Variants in CRB1 observed in about 807,000 individuals in gnomAD.
CRB1 encodes crumbs cell polarity complex component 1, also known as protein crumbs homolog 1.
In CRB1, 83 loss-of-function variants were observed where a neutral mutation model predicts 120.0. The observed-to-expected ratio is 0.69, with a 90% CI of 0.58 to 0.83. The LOEUF is 0.83. Among genes scored for constraint, CRB1 ranks in the 40% least tolerant of loss-of-function variants. CRB1 has a pLI of 0.00. For missense variants in CRB1, 1,699 were observed against 1,687.6 expected (o/e 1.01, Z -0.12); for synonymous variants, 625 against 612.5 (o/e 1.02, Z -0.30).
At chr1:197,252,538 TTATATATATATATATA>T in the CRB1 span, among the ~76,000 whole-genome samples, 30 of 27,818 alleles carry the variant, frequency 1.1e-3, no homozygotes, top group East Asian at 9.7e-3. Flanking sequence ...CCAATAGATT[TTATATATATATATATA>T]TATATATATA....
chr1:197,255,997 A>ATATATATATATATG, the CRB1 span, among the ~76,000 whole-genome samples: 1 of 91,992 alleles, frequency 1.1e-5, no homozygotes, highest in Non-Finnish European at 1.9e-5. Flanking sequence ...ATATATATAT[A>ATATATATATATATG]CACTACAATA....
intron 1 of CRB1, among the ~76,000 whole-genome samples, chr1:197,306,545 C>A (rs1195021509): frequency 6.6e-6 from 1 of 152,116 alleles, no homozygotes; most frequent in East Asian, 1.9e-4. Flanking sequence ...AAAAGCCTGT[C>A]ATATCCATTG....
intron 5 of CRB1, among the ~76,000 whole-genome samples, chr1:197,360,956 T>G (rs1660738090): frequency 6.6e-6 from 1 of 152,180 alleles, no homozygotes; most frequent in African/African-American, 2.4e-5. Context: ...TTGCTAAGAG[T>G]TTTTAATCAT....
At chr1:197,245,647 T>G in the CRB1 span, among the ~76,000 whole-genome samples, 24,617 of 152,134 alleles carry the variant, frequency 0.16, 2,244 homozygotes, top group Middle Eastern at 0.24. Flanking sequence ...TTTTTGCTGT[T>G]ATGAATAATT....
chr1:197,467,637 C>T (rs1258831791), intron 11 of CRB1, among the ~76,000 whole-genome samples: 2 of 152,110 alleles, frequency 1.3e-5, no homozygotes, highest in African/African-American at 4.8e-5. Context: ...ACTGAATATT[C>T]TCTTGCTTTT....
chr1:197,435,083 T>G lies in CRB1; in HGVS notation c.3220T>G (p.Leu1074Val). ...STIATGSLNFLKDNTDIYVGD... is the reference protein window; with the variant it reads ...STIATGSLNFVKDNTDIYVGD... ...AATTGCTACTGGAAGCCTCAACTTT[T>G]TGAAGGATAATACAGATATTTATGT... The change falls in exon 9 of 12, where the codon TTG becomes GTG. Residue 1074 changes from leucine to valine, a missense_variant. By Grantham distance (32) the Leu-to-Val change is conservative (BLOSUM62 1). Transcript: ENST00000367400. 6.2e-7 allele frequency: 1 copy of G among 1,613,904 alleles called. No homozygotes were observed. Among genetic ancestry groups the G allele is most frequent in the Non-Finnish European group, 8.5e-7 (1 of 1,179,882 alleles).
the CRB1 span, among the ~76,000 whole-genome samples, chr1:197,241,078 T>C: frequency 0.35 from 52,885 of 152,050 alleles, 11,579 homozygotes; most frequent in East Asian, 0.76. Context: ...TTGTTTAAGC[T>C]CCTTGTAGAT....
At chr1:197,429,370 C>A in intron 7 of CRB1, 79 bp from the exon 8 acceptor site, 2 of 1,523,830 alleles carry the variant, frequency 1.3e-6, no homozygotes, top group Non-Finnish European at 1.8e-6. Flanking sequence ...TTTAAAAAAA[C>A]AGATATGTGG....
rs2993057 is a variant in CRB1 at position 197,353,814 on chromosome 1, T to C, written c.989-3017T>C. ...AGACTCCGTCTCAAAAATATATAAA[T>C]AAAAAAAAAAAAAAAAAAAAAAACT... On this transcript the variant is annotated intron_variant, in intron 4 of 11. Coordinates refer to ENST00000367400, the MANE Select transcript of CRB1 (RefSeq NM_201253.3). 5.6e-5 allele frequency among the ~76,000 whole-genome samples: 5 copies of C among 89,424 alleles called. No individual in the cohort carries two copies. In the East Asian group the frequency reaches 1.5e-3, roughly 27 times the overall value. 58.7% of individuals were successfully genotyped at this position (89,424 alleles called of 152,430 possible).
At chr1:197,303,690 G>A (rs1049102210) in intron 1 of CRB1, among the ~76,000 whole-genome samples, 1 of 152,026 alleles carries the variant, frequency 6.6e-6, no homozygotes, top group African/African-American at 2.4e-5. Flanking sequence ...CAGATCTTTT[G>A]ACTCATGCTT....
At chr1:197,425,453 T>A (rs945181058) in intron 6 of CRB1, among the ~76,000 whole-genome samples, 3 of 152,210 alleles carry the variant, frequency 2.0e-5, no homozygotes, top group African/African-American at 7.2e-5. Context: ...TTGCCCAAAC[T>A]TCAGCTGGGC....
chr1:197,353,539 G>A (rs556145633), intron 4 of CRB1, among the ~76,000 whole-genome samples: 2 of 152,154 alleles, frequency 1.3e-5, no homozygotes, highest in Non-Finnish European at 1.5e-5. Context: ...GGTGGCTCAC[G>A]CCTGTAATCC....
At chr1:197,372,241 G>A (rs1267242263) in intron 5 of CRB1, among the ~76,000 whole-genome samples, 1 of 152,084 alleles carries the variant, frequency 6.6e-6, no homozygotes, top group African/African-American at 2.4e-5. Flanking sequence ...AGTCCCAGGG[G>A]CACCAATCAT....
chr1:197,297,864 A>G (rs1347799435), intron 1 of CRB1, among the ~76,000 whole-genome samples: 1 of 152,156 alleles, frequency 6.6e-6, no homozygotes, highest in East Asian at 1.9e-4. Flanking sequence ...AAGATAATTC[A>G]AATATCAAGA....
At position 197,434,968 on chromosome 1, in the gene CRB1, C is replaced by T. The variant is rs541965270; in HGVS notation, c.3105C>T (p.His1035=). The change falls in exon 9 of 12, where the codon CAC becomes CAT. Residue 1035 remains histidine, a synonymous_variant. Coordinates refer to ENST00000367400, the MANE Select transcript of CRB1 (RefSeq NM_201253.3). ...AGTCAGTGAATGATGGCACATGGCA[C>T]GAAGTGACCCTTTCCATGACAGACC... The part of the protein sequence containing the change: ...SLQSVNDGTW[H]EVTLSMTDPL... 9.9e-6 allele frequency: 16 copies of T among 1,613,936 alleles called. No individual in the cohort carries two copies. Among genetic ancestry groups the T allele is most frequent in the East Asian group, 8.9e-5 (4 of 44,882 alleles).
chr1:197,427,388 CT>C, intron 6 of CRB1, 65 bp from the exon 7 acceptor site: 1 of 1,473,746 alleles, frequency 6.8e-7, no homozygotes, highest in Non-Finnish European at 9.5e-7. Flanking sequence ...TCTTCCATCC[CT>C]TCTGTCTTTT....
At chr1:197,259,580 G>T in the CRB1 span, among the ~76,000 whole-genome samples, 1 of 152,106 alleles carries the variant, frequency 6.6e-6, no homozygotes, top group Non-Finnish European at 1.5e-5. Context: ...TAATACATGT[G>T]GGGCTTGAAA....
At chr1:197,293,959 C>A (rs924929848) in intron 1 of CRB1, among the ~76,000 whole-genome samples, 3 of 152,016 alleles carry the variant, frequency 2.0e-5, no homozygotes, top group African/African-American at 7.3e-5. Flanking sequence ...CCATAAAAAC[C>A]CTAGAAGAAA....
intron 7 of CRB1, 93 bp from the exon 8 acceptor site, chr1:197,429,356 G>A (rs1420666397): frequency 6.8e-7 from 1 of 1,473,886 alleles, no homozygotes; most frequent in African/African-American, 1.4e-5. Context: ...AGGGAAATTA[G>A]CATTTTAAAA....
Sources: gnomAD v4.1 joint callset for allele counts (sites outside exome capture counted in the v4.1 genomes callset) on GRCh38, gnomAD v4.1.1 for gene constraint, MANE v1.5 for transcripts, NCBI Gene and HGNC (gene_info 2026-07-23, HGNC 2026-07-21) for gene names.